Variants in TLCD3A observed in about 807,000 individuals in gnomAD.
TLCD3A encodes TLC domain containing 3A, also known as TLC domain-containing protein 3A.
A neutral mutation model predicts 29.9 loss-of-function variants in TLCD3A; 17 were observed. That is an observed-to-expected ratio of 0.57 (90% CI 0.39 to 0.85). TLCD3A has a LOEUF of 0.85. Ranked by LOEUF, TLCD3A falls within the 40% of genes least tolerant of loss-of-function variation. The probability of loss-of-function intolerance (pLI) is 0.00; values close to 1 mark genes in which losing one functional copy is unlikely to be tolerated. For missense variants in TLCD3A, 332 were observed against 350.8 expected (o/e 0.95, Z 0.43); for synonymous variants, 143 against 147.7 (o/e 0.97, Z 0.23).
intron 3 of TLCD3A, 47 bp downstream of exon 3, chr17:738,094 G>GTTTGT (rs200758501): frequency 0.05 from 21,426 of 426,152 alleles, 538 homozygotes; most frequent in African/African-American, 0.19. Context: ...TGAGCTGGGT[G>GTTTGT]TCTTTTTTTT....
At chr17:740,836 T>A (rs1974242091) in intron 4 of TLCD3A, among the ~76,000 whole-genome samples, 1 of 152,010 alleles carries the variant, frequency 6.6e-6, no homozygotes, top group South Asian at 2.1e-4. Context: ...TGCTTTTCCT[T>A]CGGAGATGGT....
chr17:741,591 C>T lies in TLCD3A; in HGVS notation c.*21C>T. 10 of 1,606,880 alleles carry T rather than the reference C, an allele frequency of 6.2e-6. No individual in the cohort carries two copies. Among genetic ancestry groups the T allele is most frequent in the Non-Finnish European group, 8.5e-6 (10 of 1,179,076 alleles). ...GCTAAATGCTCCTGGGAGTCAGGCG[C>T]AGCCTCACACCAGCTGCCTCCTCCA... On this transcript the variant is annotated 3_prime_UTR_variant, in exon 5 of 5. Coordinates refer to ENST00000308278, the MANE Select transcript of TLCD3A (RefSeq NM_024792.3).
chr17:738,113 T>C (rs1006087748), intron 3 of TLCD3A, 66 bp downstream of exon 3: 3 of 1,257,092 alleles, frequency 2.4e-6, no homozygotes, highest in African/African-American at 3.1e-5. Flanking sequence ...TTTTTTTTTT[T>C]CTGAGACAGT....
Position 740,398 on chromosome 17 carries a change from G to A in TLCD3A, c.409-107G>A, listed in dbSNP as rs910745321. The A allele has an allele frequency of 1.4e-4, 112 of 822,720 alleles. 1 individual carries two copies. The highest frequency in any genetic ancestry group is 1.7e-4 in the Non-Finnish European group (80 of 472,958). The allele number at this position is 822,720 out of a possible 1,614,324, so 51.0% of individuals were successfully genotyped here. ...AGTAGTCTGCGCTTGCCTATTGAGC[G>A]TCCTTTGCCCGTCACAGTTACCCTT... On this transcript the variant is annotated intron_variant, in intron 3 of 4. Coordinates refer to ENST00000308278, the MANE Select transcript of TLCD3A (RefSeq NM_024792.3).
chr17:733,043 C>G (rs755246912), intron 1 of TLCD3A, 55 bp from the exon 2 acceptor site: 2 of 1,491,032 alleles, frequency 1.3e-6, no homozygotes, highest in Non-Finnish European at 9.0e-7. Flanking sequence ...GGCCGGGCTC[C>G]CTGCGGTCCT....
chr17:741,977 C>T lies in TLCD3A; in HGVS notation c.*407C>T, dbSNP rs962601776. 53 of 210,572 alleles carry T rather than the reference C, an allele frequency of 2.5e-4. No homozygotes were observed. Among genetic ancestry groups the T allele is most frequent in the Middle Eastern group, 1.9e-3 (1 of 532 alleles). 13.0% of individuals were successfully genotyped at this position (210,572 alleles called of 1,614,324 possible). ...TCAGGACAGTACCCGTGGCACTGGG[C>T]CCGCAGAAGCAAGGGATGACTTGGT... On this transcript the variant is annotated 3_prime_UTR_variant, in exon 5 of 5. Coordinates refer to ENST00000308278, the MANE Select transcript of TLCD3A (RefSeq NM_024792.3).
In TLCD3A at chr17:741,291, T is replaced by C; in HGVS notation, c.505-10T>C. 1 of 1,613,604 alleles carries C rather than the reference T, an allele frequency of 6.2e-7. No individual in the cohort carries two copies. The highest frequency in any genetic ancestry group is 8.5e-7 in the Non-Finnish European group (1 of 1,179,566). ...GTGACCTTACCTTTTTCCTTCCTCT[T>C]CTATTGCAGCTAAAGCAGCAGCACA... is the stretch of plus-strand genomic sequence containing the variant. On this transcript the variant is annotated splice_polypyrimidine_tract_variant and intron_variant, in intron 4 of 4. Coordinates refer to ENST00000308278, the MANE Select transcript of TLCD3A (RefSeq NM_024792.3).
At position 742,801 on chromosome 17, in the gene TLCD3A, TTGTC is replaced by T. The variant is rs1161890687; in HGVS notation, c.*1235_*1238del. 6.6e-6 allele frequency: 1 copy of T among 152,670 alleles called. No homozygotes were observed. The highest frequency in any genetic ancestry group is 1.5e-5 in the Non-Finnish European group (1 of 68,048). 9.5% of individuals were successfully genotyped at this position (152,670 alleles called of 1,614,324 possible). A position where few individuals can be genotyped will look rare whatever the true frequency, so the allele number is the denominator to read the frequency against. On this transcript the variant is annotated 3_prime_UTR_variant, in exon 5 of 5. Transcript: ENST00000308278. ...AGTGGATTTTTAAAGTGCCTTTCAA[TTGTC>T]TGTGAACGTCTAAAGGACTGATTTG...
intron 2 of TLCD3A, among the ~76,000 whole-genome samples, chr17:737,080 C>T (rs1321188006): frequency 2.6e-5 from 4 of 151,626 alleles, no homozygotes; most frequent in East Asian, 1.9e-4. Flanking sequence ...GGCGCAATAT[C>T]GGCTCACTGC....
chr17:738,057 T>C lies in TLCD3A; in HGVS notation c.408+10T>C, dbSNP rs768679019. 14 of 1,507,512 alleles carry C rather than the reference T, an allele frequency of 9.3e-6. No individual in the cohort carries two copies. Among genetic ancestry groups the C allele is most frequent in the Non-Finnish European group, 1.3e-5 (14 of 1,094,354 alleles). 93.4% of individuals were successfully genotyped at this position (1,507,512 alleles called of 1,614,324 possible). On this transcript the variant is annotated intron_variant, in intron 3 of 4. Coordinates refer to ENST00000308278, the MANE Select transcript of TLCD3A (RefSeq NM_024792.3). The stretch of plus-strand genomic sequence containing the variant: ...TGTGCCAGTCGCACAGGTATGGCCT[T>C]CCAGGACAGCAGACCAGCAGCTGGG...
chr17:738,390 C>T (rs558104382), intron 3 of TLCD3A, among the ~76,000 whole-genome samples: 1 of 152,062 alleles, frequency 6.6e-6, no homozygotes, highest in South Asian at 2.1e-4. Flanking sequence ...GCCACTGCGC[C>T]CGGCCTGAGC....
At chr17:739,643 T>C (rs1195264898) in intron 3 of TLCD3A, among the ~76,000 whole-genome samples, 2 of 152,216 alleles carry the variant, frequency 1.3e-5, no homozygotes, top group Non-Finnish European at 2.9e-5. Flanking sequence ...CTGCCAGGCA[T>C]GTGATTTAAA....
In TLCD3A at chr17:741,663, T is replaced by C. The variant is rs1165738318; in HGVS notation, c.*93T>C. On this transcript the variant is annotated 3_prime_UTR_variant, in exon 5 of 5. Coordinates refer to ENST00000308278, the MANE Select transcript of TLCD3A (RefSeq NM_024792.3). ...TTGTGCCCTGGGTAGCCTCAGACTTTGGGTATTGATAAGCCGATGGATTTG... is the reference window on the plus strand; with the variant it reads ...TTGTGCCCTGGGTAGCCTCAGACTTCGGGTATTGATAAGCCGATGGATTTG... The C allele has an allele frequency of 6.9e-7, 1 of 1,440,940 alleles. No individual in the cohort carries two copies. Among genetic ancestry groups the C allele is most frequent in the African/African-American group, 1.4e-5 (1 of 70,860 alleles). The allele number at this position is 1,440,940 out of a possible 1,614,324, so 89.3% of individuals were successfully genotyped here.
At chr17:740,655 A>G in intron 4 of TLCD3A, 55 bp downstream of exon 4, 2 of 1,522,362 alleles carry the variant, frequency 1.3e-6, no homozygotes, top group Admixed American at 3.5e-5. Context: ...GGCATGTATG[A>G]ATGAAATGAC....
chr17:741,716 C>T lies in TLCD3A; in HGVS notation c.*146C>T. On this transcript the variant is annotated 3_prime_UTR_variant, in exon 5 of 5. Coordinates refer to ENST00000308278, the MANE Select transcript of TLCD3A (RefSeq NM_024792.3). ...TTTTTCTAAAGAATATTCATATTAC[C>T]TCCTTCTTCTAACTTGCCCTATTTG... The T allele has an allele frequency of 5.1e-6, 5 of 975,688 alleles. No individual in the cohort carries two copies. Among genetic ancestry groups the T allele is most frequent in the East Asian group, 5.2e-5 (2 of 38,136 alleles). The allele number at this position is 975,688 out of a possible 1,614,324, so 60.4% of individuals were successfully genotyped here.
intron 3 of TLCD3A, among the ~76,000 whole-genome samples, chr17:740,137 C>T (rs1974225107): frequency 6.6e-6 from 1 of 152,214 alleles, no homozygotes; most frequent in Non-Finnish European, 1.5e-5. Flanking sequence ...ACCAGAACAT[C>T]TAGGGTGCTT....
chr17:734,166 T>C (rs1173554418), intron 2 of TLCD3A, among the ~76,000 whole-genome samples: 1 of 150,304 alleles, frequency 6.7e-6, no homozygotes, highest in Non-Finnish European at 1.5e-5. Flanking sequence ...TGTGGCTGGG[T>C]ACAATTTTTC....
Position 732,768 on chromosome 17 carries a change from A to C in TLCD3A, c.121A>C (p.Arg41=). The change falls in exon 1 of 5, where the codon AGG becomes CGG. Residue 41 remains arginine, a splice_region_variant and synonymous_variant. Coordinates refer to ENST00000308278, the MANE Select transcript of TLCD3A (RefSeq NM_024792.3). The part of the protein sequence containing the change: ...SRTDCVMIST[R]LVSSVHAVLA... The stretch of plus-strand genomic sequence containing the variant: ...CACCGACTGCGTGATGATCAGCACC[A>C]GGTACCGGCGCCGCCGAGACGCCCC... 6.9e-7 allele frequency: 1 copy of C among 1,449,734 alleles called. No homozygotes were observed. The highest frequency in any genetic ancestry group is 9.1e-7 in the Non-Finnish European group (1 of 1,103,170). The allele number at this position is 1,449,734 out of a possible 1,614,324, so 89.8% of individuals were successfully genotyped here.
At chr17:738,526 C>T (rs1475912416) in intron 3 of TLCD3A, among the ~76,000 whole-genome samples, 1 of 152,178 alleles carries the variant, frequency 6.6e-6, no homozygotes, top group African/African-American at 2.4e-5. Flanking sequence ...GGAGGAACAC[C>T]ATTACACATG....
Sources: allele counts gnomAD v4.1 joint callset (sites outside exome capture counted in the v4.1 genomes callset), GRCh38; gene constraint gnomAD v4.1.1; transcripts MANE v1.5; gene names NCBI Gene and HGNC (gene_info 2026-07-23, HGNC 2026-07-21).